Variants in PCDHA12 observed in about 807,000 individuals in gnomAD.
The protein encoded by PCDHA12 is protocadherin alpha 12.
In PCDHA12, 44 loss-of-function variants were observed where a neutral mutation model predicts 60.0. The ratio of observed to expected loss-of-function variants is 0.73; its 90% CI spans 0.58 to 0.94. The LOEUF is 0.94. Ranked by LOEUF, PCDHA12 falls within the 40% of genes least tolerant of loss-of-function variation. PCDHA12 has a pLI of 0.00. For missense variants in PCDHA12, 1,276 were observed against 1,239.7 expected, an observed-to-expected ratio of 1.03 and a Z score of -0.44; for synonymous variants, 569 against 553.0, an observed-to-expected ratio of 1.03 and a Z score of -0.40.
intron 1 of PCDHA12, among the ~76,000 whole-genome samples, chr5:140,909,441 C>T (rs971678951): frequency 6.6e-6 from 1 of 152,214 alleles, no homozygotes; most frequent in Non-Finnish European, 1.5e-5. Context: ...AATCCACTGT[C>T]ATTCTCCAAG....
rs149795080 is a variant in PCDHA12 at position 140,995,000 on chromosome 5, T to C, written c.2515+12437T>C. Among the ~76,000 whole-genome samples the C allele has an allele frequency of 1.7e-3, 261 of 152,326 alleles. 1 individual carries two copies. The highest frequency in any genetic ancestry group is 6.1e-3 in the African/African-American group (253 of 41,578). ...GAGACCCACTAGAAGGTTAGTTGGTTTGTTTATATTTAGGAAAGAAGATTC... is the reference window on the plus strand; with the variant it reads ...GAGACCCACTAGAAGGTTAGTTGGTCTGTTTATATTTAGGAAAGAAGATTC... On this transcript the variant is annotated intron_variant, in intron 3 of 3. Transcript: ENST00000398631.
At chr5:140,966,809 C>T (rs1335148442) in intron 1 of PCDHA12, 5 of 1,547,376 alleles carry the variant, frequency 3.2e-6, no homozygotes, top group African/African-American at 1.4e-5. Flanking sequence ...AGAGCATCCA[C>T]GGCTCCGGCG....
At chr5:140,981,019 T>C (rs1396794400) in intron 2 of PCDHA12, among the ~76,000 whole-genome samples, 1 of 152,124 alleles carries the variant, frequency 6.6e-6, no homozygotes, top group Non-Finnish European at 1.5e-5. Flanking sequence ...ACTTGAAGGC[T>C]GTTAATATTT....
intron 3 of PCDHA12, among the ~76,000 whole-genome samples, chr5:140,984,315 C>G (rs1254013417): frequency 1.3e-5 from 2 of 152,124 alleles, no homozygotes; most frequent in African/African-American, 4.8e-5. Flanking sequence ...GTGTGTATTC[C>G]TAGGCAAATG....
chr5:140,963,348 T>C (rs1415746589), intron 1 of PCDHA12, among the ~76,000 whole-genome samples: 7 of 152,234 alleles, frequency 4.6e-5, no homozygotes, highest in Admixed American at 4.6e-4. Context: ...GTAAATTTAG[T>C]TCTTTTCAAA....
chr5:140,978,246 C>T (rs1243560833), intron 1 of PCDHA12, among the ~76,000 whole-genome samples: 1 of 152,148 alleles, frequency 6.6e-6, no homozygotes, highest in Non-Finnish European at 1.5e-5. Flanking sequence ...TCAGCTACTC[C>T]CTGTTAAACA....
chr5:140,989,728 A>T (rs1453115061), intron 3 of PCDHA12, among the ~76,000 whole-genome samples: 6 of 152,184 alleles, frequency 3.9e-5, no homozygotes, highest in Admixed American at 3.9e-4. Flanking sequence ...TTGCAGTTGA[A>T]AAGGCCATTG....
At chr5:140,951,426 A>T (rs1282737926) in intron 1 of PCDHA12, among the ~76,000 whole-genome samples, 1 of 152,068 alleles carries the variant, frequency 6.6e-6, no homozygotes, top group Non-Finnish European at 1.5e-5. Flanking sequence ...ACAGTTCCAC[A>T]GGCTGTAGGA....
chr5:140,921,168 C>A (rs1260180010), intron 1 of PCDHA12, among the ~76,000 whole-genome samples: 1 of 151,534 alleles, frequency 6.6e-6, no homozygotes, highest in Non-Finnish European at 1.5e-5. Context: ...TTTTAACACA[C>A]ATAAAGCACA....
At position 140,877,696 on chromosome 5, in the gene PCDHA12, T is replaced by C. The variant is rs1554169994; in HGVS notation, c.2224T>C (p.Ser742Pro). The change falls in exon 1 of 4, where the codon TCC becomes CCC. Residue 742 changes from serine (S) to proline (P), a missense_variant. Ser to Pro is a moderately conservative substitution (Grantham distance 74). Transcript: ENST00000398631. ...GCCGGGCAAGCCCACGCTGGTGTGC[T>C]CCAGCGCCGTGGGGAGTTGGTCTTA... ...CAPGKPTLVC[S>P]SAVGSWSYSQ... 6.2e-7 allele frequency: 1 copy of C among 1,613,838 alleles called. No individual in the cohort carries two copies. The highest frequency in any genetic ancestry group is 1.1e-5 in the South Asian group (1 of 91,076).
At chr5:140,978,887 A>C (rs1367734690) in intron 1 of PCDHA12, 62 bp from the exon 2 acceptor site, 14 of 1,611,648 alleles carry the variant, frequency 8.7e-6, no homozygotes, top group Admixed American at 1.7e-5. Flanking sequence ...ATCAATTAGC[A>C]GCATTCCTGG....
At chr5:140,967,624 G>C (rs950749188) in intron 1 of PCDHA12, 1 of 1,614,158 alleles carries the variant, frequency 6.2e-7, no homozygotes, top group Non-Finnish European at 8.5e-7. Flanking sequence ...ACCCGGATGA[G>C]GGCTCCAATG....
At chr5:140,982,823 G>A (rs1187029355) in intron 3 of PCDHA12, among the ~76,000 whole-genome samples, 2 of 151,450 alleles carry the variant, frequency 1.3e-5, no homozygotes, top group South Asian at 2.1e-4. Context: ...GAAGTTTTTG[G>A]GGTTTGTTTG....
intron 1 of PCDHA12, chr5:140,928,199 C>T: frequency 6.2e-7 from 1 of 1,614,226 alleles, no homozygotes; most frequent in South Asian, 1.1e-5. Context: ...GTGTCAGTTG[C>T]TGATGTGAAT....
rs780758944 is a variant in PCDHA12 at position 140,904,284 on chromosome 5, T to G, written c.2367+26445T>G. Among the ~76,000 whole-genome samples the G allele has an allele frequency of 1.3e-3, 196 of 152,216 alleles. 3 individuals carry two copies. The highest frequency in any genetic ancestry group is 1.2e-3 in the Non-Finnish European group (83 of 68,010). ...CACTTATGAATGAGAACATGTGGTG[T>G]TTGGTTTTCCATTCCTGAGTTTCTT... On this transcript the variant is annotated intron_variant, in intron 1 of 3. Transcript: ENST00000398631.
intron 1 of PCDHA12, among the ~76,000 whole-genome samples, chr5:140,902,447 G>A (rs1004773008): frequency 2.6e-5 from 4 of 152,024 alleles, no homozygotes; most frequent in Non-Finnish European, 4.4e-5. Flanking sequence ...TCATATTCTA[G>A]ATCCTAGAGA....
chr5:141,007,277 C>T (rs2098312243), intron 3 of PCDHA12, among the ~76,000 whole-genome samples: 1 of 151,304 alleles, frequency 6.6e-6, no homozygotes, highest in Non-Finnish European at 1.5e-5. Context: ...AGGCTGGGTG[C>T]AGTGGGCTCA....
chr5:140,968,521 C>G, intron 1 of PCDHA12: 1 of 1,614,180 alleles, frequency 6.2e-7, no homozygotes, highest in Non-Finnish European at 8.5e-7. Context: ...CTACCTCAAC[C>G]AACTCGTCAG....
intron 1 of PCDHA12, among the ~76,000 whole-genome samples, chr5:140,895,496 T>A (rs1364776623): frequency 1.3e-5 from 2 of 152,216 alleles, no homozygotes; most frequent in African/African-American, 4.8e-5. Flanking sequence ...TATTCAGAAC[T>A]TTTGCCCAAT....
Sources: gnomAD v4.1 joint callset for allele counts (sites outside exome capture counted in the v4.1 genomes callset) on GRCh38, gnomAD v4.1.1 for gene constraint, MANE v1.5 for transcripts, NCBI Gene and HGNC (gene_info 2026-07-23, HGNC 2026-07-21) for gene names.